Variants in TJP1 observed in about 807,000 individuals in gnomAD.
TJP1 encodes tight junction protein ZO-1.
TJP1 carries 43 observed loss-of-function variants against 194.2 expected under a neutral mutation model. The ratio of observed to expected loss-of-function variants is 0.22; its 90% confidence interval spans 0.17 to 0.29. TJP1 has a LOEUF of 0.29. Ranked by LOEUF, TJP1 falls within the 10% of genes least tolerant of loss-of-function variation. TJP1 has a pLI of 1.00. For synonymous variants in TJP1, 801 were observed against 779.0 expected, an observed-to-expected ratio of 1.03 and a Z score of -0.47; for missense variants, 1,971 against 2,185.7, an observed-to-expected ratio of 0.90 and a Z score of 1.96.
At chr15:29,931,136 A>C (rs1241819697) in intron 2 of TJP1, among the ~76,000 whole-genome samples, 2 of 152,194 alleles carry the variant, frequency 1.3e-5, no homozygotes, top group Non-Finnish European at 2.9e-5. Context: ...AACTAGAGGA[A>C]AGAAAATGTT....
intron 1 of TJP1, among the ~76,000 whole-genome samples, chr15:29,811,437 G>C (rs1277382622): frequency 3.4e-5 from 5 of 148,350 alleles, no homozygotes; most frequent in African/African-American, 9.9e-5. Context: ...GTGGGGGTGG[G>C]GGGGTGGTGG....
At chr15:29,818,009 T>C (rs2050052920) in intron 1 of TJP1, among the ~76,000 whole-genome samples, 1 of 150,706 alleles carries the variant, frequency 6.6e-6, no homozygotes, top group South Asian at 2.1e-4. Flanking sequence ...CAGAACTTAA[T>C]TAAAAAAAAA....
At chr15:29,842,028 T>C (rs192630009) in intron 2 of TJP1, among the ~76,000 whole-genome samples, 14 of 152,330 alleles carry the variant, frequency 9.2e-5, no homozygotes, top group Non-Finnish European at 1.5e-4. Flanking sequence ...GATACCCACT[T>C]AGGCTATTTT....
At chr15:29,919,226 G>T (rs1312931997) in intron 2 of TJP1, among the ~76,000 whole-genome samples, 1 of 152,176 alleles carries the variant, frequency 6.6e-6, no homozygotes, top group Admixed American at 6.5e-5. Context: ...AATCAAAAAA[G>T]AGGCAAACAA....
intron 2 of TJP1, among the ~76,000 whole-genome samples, chr15:29,781,869 G>A (rs1410137375): frequency 6.6e-6 from 1 of 152,144 alleles, no homozygotes; most frequent in East Asian, 1.9e-4. Context: ...ACATCATACT[G>A]AATGGGCAAA....
intron 2 of TJP1, among the ~76,000 whole-genome samples, chr15:29,851,512 T>A (rs535924238): frequency 6.6e-6 from 1 of 152,352 alleles, no homozygotes; most frequent in Non-Finnish European, 1.5e-5. Flanking sequence ...CAGGGCCAGA[T>A]GGTTTCACTA....
intron 16 of TJP1, 102 bp from the exon 17 acceptor site, chr15:29,727,093 T>A: frequency 9.5e-7 from 1 of 1,047,284 alleles, no homozygotes. Flanking sequence ...CCTATAATCC[T>A]AGCACTTTGG....
In TJP1 at chr15:29,720,402, T is replaced by G; in HGVS notation, c.2719A>C (p.Ile907Leu). 1 of 1,610,960 alleles carries G rather than the reference T, an allele frequency of 6.2e-7. No homozygotes were observed. The highest frequency in any genetic ancestry group is 1.1e-5 in the South Asian group (1 of 90,486). ...PYSPQAQPQPIHRIDSPGFKP... is the reference protein window; with the variant it reads ...PYSPQAQPQPLHRIDSPGFKP... ...AATCCAGGGGAGTCTATTCTATGAA[T>G]TGGTTGTGGCTGCGCTTGTGGTGAG... The change falls in exon 19 of 28, where the codon ATT becomes CTT. Residue 907 changes from isoleucine to leucine, a missense_variant. By Grantham distance (5) the Ile-to-Leu change is conservative. Around this residue, in one of 5 missense-constraint regions of TJP1, gnomAD observed 1,108 missense variants for 1,128.5 expected, o/e 0.98. Transcript: ENST00000614355.
At chr15:29,840,980 A>G (rs965952668) in intron 2 of TJP1, among the ~76,000 whole-genome samples, 4 of 152,106 alleles carry the variant, frequency 2.6e-5, no homozygotes, top group African/African-American at 9.7e-5. Flanking sequence ...GAAATTGCAA[A>G]CTGTGAACCA....
chr15:29,949,339 C>A (rs1345036498), intron 2 of TJP1, among the ~76,000 whole-genome samples: 1 of 137,640 alleles, frequency 7.3e-6, no homozygotes, highest in Non-Finnish European at 1.6e-5. Flanking sequence ...CCTCCACCAC[C>A]TCCACCACCA....
At chr15:29,734,183 G>A in intron 12 of TJP1, 91 bp downstream of exon 12, 1 of 841,836 alleles carries the variant, frequency 1.2e-6, no homozygotes, top group East Asian at 2.6e-5. Context: ...ACTCAACTAT[G>A]AGTGACTTAT....
At chr15:29,784,277 G>GA (rs2047559220) in intron 2 of TJP1, among the ~76,000 whole-genome samples, 1 of 151,878 alleles carries the variant, frequency 6.6e-6, no homozygotes, top group African/African-American at 2.4e-5. Flanking sequence ...TAAATTTTAA[G>GA]AAAAAAGAAA....
chr15:29,866,986 CCA>C (rs1188789034), intron 2 of TJP1, among the ~76,000 whole-genome samples: 5 of 152,184 alleles, frequency 3.3e-5, no homozygotes, highest in Admixed American at 3.3e-4. Flanking sequence ...TCACTCAGTT[CCA>C]GTTTCATTCA....
intron 15 of TJP1, chr15:29,732,221 A>G: frequency 1.8e-6 from 1 of 566,500 alleles, no homozygotes; most frequent in Non-Finnish European, 3.1e-6. Flanking sequence ...TATGAAGCCA[A>G]GAGTTTCCTA....
intron 1 of TJP1, 136 bp from the exon 2 acceptor site, chr15:29,800,838 C>A: frequency 1.3e-6 from 1 of 766,774 alleles, no homozygotes; most frequent in Non-Finnish European, 2.0e-6. Flanking sequence ...CTGAAAGGAC[C>A]TTAATAATTA....
chr15:29,906,194 C>T (rs1220466705), intron 2 of TJP1, among the ~76,000 whole-genome samples: 1 of 152,038 alleles, frequency 6.6e-6, no homozygotes, highest in Non-Finnish European at 1.5e-5. Flanking sequence ...AAAGTTAGGC[C>T]GGGCGCGGTG....
At chr15:29,745,744 T>C (rs758633778) in intron 8 of TJP1, among the ~76,000 whole-genome samples, 1 of 152,130 alleles carries the variant, frequency 6.6e-6, no homozygotes, top group African/African-American at 2.4e-5. Context: ...CGCAGGCAAA[T>C]ACCTAGAAAC....
In TJP1 at chr15:29,730,406, C is replaced by A. The variant is rs180753958; in HGVS notation, c.2017+2027G>T. On this transcript the variant is annotated intron_variant, in intron 15 of 27. Coordinates refer to ENST00000614355, the MANE Select transcript of TJP1 (RefSeq NM_001330239.4). The stretch of plus-strand genomic sequence containing the variant: ...GTTCAGCCTGGACAACCTAGTGAGA[C>A]CCTGTTTCTACAAAAATAATAATAA... Among the ~76,000 whole-genome samples the A allele has an allele frequency of 1.5e-4, 23 of 151,820 alleles. No homozygotes were observed. In the East Asian group the frequency reaches 4.3e-3, roughly 28 times the overall value.
intron 2 of TJP1, among the ~76,000 whole-genome samples, chr15:29,923,914 C>G (rs889579363): frequency 6.6e-6 from 1 of 152,144 alleles, no homozygotes; most frequent in Non-Finnish European, 1.5e-5. Flanking sequence ...GCTAAACATG[C>G]CTATGTGTTA....
Sources: gnomAD v4.1 joint callset for allele counts (sites outside exome capture counted in the v4.1 genomes callset) on GRCh38, gnomAD v4.1.1 for gene constraint, gnomAD v4.1.1 regional missense constraint, MANE v1.5 for transcripts, NCBI Gene and HGNC (gene_info 2026-07-23, HGNC 2026-07-21) for gene names.